The following VPS35 variants were observed in gnomAD, a reference collection of about 807,000 sequenced individuals.
The protein encoded by VPS35 is vacuolar protein sorting-associated protein 35.
A neutral mutation model predicts 98.1 loss-of-function variants in VPS35; 21 were observed. That is an observed-to-expected ratio of 0.21 (90% CI 0.15 to 0.31). VPS35 has a LOEUF of 0.31. Among genes scored for constraint, VPS35 ranks in the 10% least tolerant of loss-of-function variants. The pLI is 1.00. For synonymous variants in VPS35, 268 were observed against 318.2 expected (o/e 0.84, Z 1.68); for missense variants, 554 against 950.8 (o/e 0.58, Z 5.49).
Position 46,658,130 on chromosome 16 carries a change from C to T in VPS35, c.*2342G>A, listed in dbSNP as rs1965858499. 6.6e-6 allele frequency: 1 copy of T among 152,424 alleles called. No individual in the cohort carries two copies. The highest frequency in any genetic ancestry group is 2.1e-4 in the South Asian group (1 of 4,832). The allele number at this position is 152,424 out of a possible 1,614,324, so 9.4% of individuals were successfully genotyped here. The stretch of plus-strand genomic sequence containing the variant: ...AGCCAAGAGTATAACTTGCTTCAGC[C>T]CATGGGTCTGAGGAGCCTGGGACTG... On this transcript the variant is annotated 3_prime_UTR_variant, in exon 17 of 17. Coordinates refer to ENST00000299138, the MANE Select transcript of VPS35 (RefSeq NM_018206.6).
chr16:46,670,936 C>A (rs1441723239), intron 12 of VPS35, among the ~76,000 whole-genome samples: 1 of 152,056 alleles, frequency 6.6e-6, no homozygotes, highest in African/African-American at 2.4e-5. Flanking sequence ...CCTTATGCAT[C>A]CAAGAATGGT....
At position 46,680,803 on chromosome 16, in the gene VPS35, G is replaced by A; in HGVS notation, c.374C>T (p.Ser125Phe). The change falls in exon 5 of 17, where the codon TCC becomes TTC. Residue 125 changes from serine (S) to phenylalanine (F), a missense_variant. Around this residue, in one of 5 missense-constraint regions of VPS35, gnomAD observed 77 missense variants for 222.3 expected, o/e 0.35. Transcript: ENST00000299138. ...CAAATCTTTCAAAATATCCTTCCTG[G>A]ACTGAGGAAATGACTTGACATATAC... ...GVVYVKSFPQ[S>F]RKDILKDLVE... 6.2e-7 allele frequency: 1 copy of A among 1,613,938 alleles called. No individual in the cohort carries two copies. Among genetic ancestry groups the A allele is most frequent in the Non-Finnish European group, 8.5e-7 (1 of 1,179,934 alleles).
intron 1 of VPS35, among the ~76,000 whole-genome samples, chr16:46,687,465 C>A (rs1268899586): frequency 6.6e-6 from 1 of 152,202 alleles, no homozygotes; most frequent in African/African-American, 2.4e-5. Context: ...TGGAGAATTT[C>A]TTTCCACCCT....
rs769182804 is a variant in VPS35, at chr16:46,680,898, A to T, written c.324-45T>A. ...ATGCTGATTAGAAATAAAATATTCA[A>T]ATCAAGAATTTATTTCCAAACACAC... On this transcript the variant is annotated intron_variant, in intron 4 of 16. Coordinates refer to ENST00000299138, the MANE Select transcript of VPS35 (RefSeq NM_018206.6). 423 of 1,573,882 alleles carry T rather than the reference A, an allele frequency of 2.7e-4. 5 individuals are homozygous for T. In the Admixed American group the frequency reaches 6.9e-3, roughly 26 times the overall value.
At chr16:46,680,608 C>T in intron 5 of VPS35, 63 bp downstream of exon 5, 4 of 1,543,610 alleles carry the variant, frequency 2.6e-6, no homozygotes, top group Non-Finnish European at 2.7e-6. Flanking sequence ...TATGTTTCCA[C>T]ACTTTTATAC....
At chr16:46,678,092 G>C (rs1346477650) in intron 6 of VPS35, among the ~76,000 whole-genome samples, 1 of 152,182 alleles carries the variant, frequency 6.6e-6, no homozygotes, top group Non-Finnish European at 1.5e-5. Flanking sequence ...GGATTGTCCA[G>C]TCAGAGATCG....
At chr16:46,681,185 A>G (rs1180380389) in intron 4 of VPS35, among the ~76,000 whole-genome samples, 192 bp downstream of exon 4, 1 of 152,160 alleles carries the variant, frequency 6.6e-6, no homozygotes, top group Non-Finnish European at 1.5e-5. Context: ...TCTATTTCCA[A>G]AATTCCTCAA....
intron 1 of VPS35, chr16:46,688,711 G>C (rs1050412718): frequency 2.6e-6 from 3 of 1,139,808 alleles, no homozygotes; most frequent in Non-Finnish European, 3.3e-6. Context: ...AGGTAGAAAC[G>C]CAACATCTGG....
At chr16:46,686,005 C>T (rs886339049) in intron 1 of VPS35, among the ~76,000 whole-genome samples, 1 of 152,100 alleles carries the variant, frequency 6.6e-6, no homozygotes, top group Non-Finnish European at 1.5e-5. Flanking sequence ...ATCTCTAAAA[C>T]TTTTTATCTT....
At chr16:46,685,831 T>C (rs1266747301) in intron 1 of VPS35, among the ~76,000 whole-genome samples, 1 of 152,180 alleles carries the variant, frequency 6.6e-6, no homozygotes, top group African/African-American at 2.4e-5. Context: ...TAAACAGTGA[T>C]ACATCTGAAT....
intron 1 of VPS35, chr16:46,688,415 G>C: frequency 2.0e-6 from 2 of 987,130 alleles, no homozygotes; most frequent in Non-Finnish European, 2.4e-6. Context: ...GGGCCCTAAG[G>C]AGAAGTACTG....
chr16:46,688,298 G>A, intron 1 of VPS35: 1 of 986,936 alleles, frequency 1.0e-6, no homozygotes, highest in Non-Finnish European at 1.2e-6. Flanking sequence ...CTAATAAAAT[G>A]CAAGTGACAA....
intron 3 of VPS35, 96 bp downstream of exon 3, chr16:46,681,983 A>G (rs1966242060): frequency 2.2e-6 from 2 of 905,796 alleles, no homozygotes; most frequent in African/African-American, 1.7e-5. Flanking sequence ...GAAGAATAAG[A>G]TAACTCCAGA....
At chr16:46,688,687 A>C (rs1488541456) in intron 1 of VPS35, 6 of 1,073,718 alleles carry the variant, frequency 5.6e-6, no homozygotes, top group African/African-American at 1.7e-5. Context: ...ACGGCCGAGC[A>C]CAACTAGGCA....
chr16:46,656,788 C>T lies in VPS35; in HGVS notation c.*3684G>A, dbSNP rs1433449885. On this transcript the variant is annotated 3_prime_UTR_variant, in exon 17 of 17. Coordinates refer to ENST00000299138, the MANE Select transcript of VPS35 (RefSeq NM_018206.6). ...TTGGGAGGCTGAGCCAGGTGGATCACAAGGTCAGAAGTTCGTGACCAGCCT... is the reference window on the plus strand; with the variant it reads ...TTGGGAGGCTGAGCCAGGTGGATCATAAGGTCAGAAGTTCGTGACCAGCCT... 1 of 152,308 alleles carries T rather than the reference C, an allele frequency of 6.6e-6. No homozygotes were observed. 9.4% of individuals were successfully genotyped at this position (152,308 alleles called of 1,614,324 possible).
At chr16:46,688,966 C>T (rs947348852) in intron 1 of VPS35, 165 bp downstream of exon 1, 1 of 1,509,158 alleles carries the variant, frequency 6.6e-7, no homozygotes, top group Admixed American at 2.1e-5. Context: ...AGCCTGCCCG[C>T]GGCCTTCCTC....
At chr16:46,663,299 G>A in intron 13 of VPS35, 137 bp from the exon 14 acceptor site, 1 of 765,224 alleles carries the variant, frequency 1.3e-6, no homozygotes, top group South Asian at 1.8e-5. Context: ...TTCAGTTATA[G>A]GGCAAACAAG....
At chr16:46,666,538 G>A (rs889827696) in intron 13 of VPS35, among the ~76,000 whole-genome samples, 3 of 152,182 alleles carry the variant, frequency 2.0e-5, no homozygotes, top group Admixed American at 6.5e-5. Context: ...AAAGTGCTGC[G>A]ATTACAGGCG....
chr16:46,663,243 T>C, intron 13 of VPS35, 81 bp from the exon 14 acceptor site: 1 of 1,297,544 alleles, frequency 7.7e-7, no homozygotes, highest in Non-Finnish European at 1.1e-6. Context: ...TAGAACAAAA[T>C]ACTGTAAGTT....
Sources: gnomAD v4.1 joint callset for allele counts (sites outside exome capture counted in the v4.1 genomes callset) on GRCh38, gnomAD v4.1.1 for gene constraint, gnomAD v4.1.1 regional missense constraint, MANE v1.5 for transcripts, NCBI Gene and HGNC (gene_info 2026-07-23, HGNC 2026-07-21) for gene names.